The following UROC1 variants were observed in gnomAD, a reference collection of about 807,000 sequenced individuals.
UROC1 encodes the protein urocanate hydratase.
A neutral mutation model predicts 89.5 loss-of-function variants in UROC1; 79 were observed. That is an observed-to-expected ratio of 0.88 (90% CI 0.74 to 1.06). The LOEUF is 1.06. Ranked by LOEUF, UROC1 falls within the 50% of genes least tolerant of loss-of-function variation. UROC1 has a pLI of 0.00. For missense variants in UROC1, 885 were observed against 907.8 expected (o/e 0.97, Z 0.32); for synonymous variants, 361 against 354.8 (o/e 1.02, Z -0.20).
chr3:126,496,326 C>G (rs1038419277), intron 14 of UROC1, among the ~76,000 whole-genome samples: 1 of 152,166 alleles, frequency 6.6e-6, no homozygotes, highest in African/African-American at 2.4e-5. Context: ...GTGCAGCGCA[C>G]TGCCTGATGC....
At chr3:126,489,040 C>T (rs767965166) in intron 17 of UROC1, among the ~76,000 whole-genome samples, 3 of 152,190 alleles carry the variant, frequency 2.0e-5, no homozygotes, top group Non-Finnish European at 4.4e-5. Context: ...TGGCTGCCCA[C>T]AGCCTGTAGG....
At chr3:126,490,371 G>C (rs1340026497) in intron 16 of UROC1, among the ~76,000 whole-genome samples, 1 of 152,160 alleles carries the variant, frequency 6.6e-6, no homozygotes, top group African/African-American at 2.4e-5. Flanking sequence ...CCCTTATGCT[G>C]TGCATGGGCA....
chr3:126,503,682 G>T (rs116038755), intron 9 of UROC1, among the ~76,000 whole-genome samples: 3,460 of 152,336 alleles, frequency 0.023, 43 homozygotes, highest in African/African-American at 0.026. Context: ...CCCCAAGAAG[G>T]CTACCTGAAG....
chr3:126,492,522 G>T lies in UROC1; in HGVS notation c.1510-6C>A. On this transcript the variant is annotated splice_polypyrimidine_tract_variant and splice_region_variant and intron_variant, in intron 15 of 19. Coordinates refer to ENST00000290868, the MANE Select transcript of UROC1 (RefSeq NM_144639.3). Reference sequence around the variant, plus strand: ...CTTGCCTGGGAGCCCACCACCTGAGGAGAGAAGGGCAACTGGCATCTCAGC... The same window carrying T: ...CTTGCCTGGGAGCCCACCACCTGAGTAGAGAAGGGCAACTGGCATCTCAGC... 6.2e-7 allele frequency: 1 copy of T among 1,609,794 alleles called. No homozygotes were observed. The highest frequency in any genetic ancestry group is 8.5e-7 in the Non-Finnish European group (1 of 1,179,080).
rs1298262648 is a variant in UROC1, at chr3:126,500,587, T to A, written c.1145+108A>T. Reference sequence around the variant, plus strand: ...CAGAGGCTCAGAGAGGTTAAGGTCTTGCCCAAGGCCAAGCAGCTGGTTGCT... The same window carrying A: ...CAGAGGCTCAGAGAGGTTAAGGTCTAGCCCAAGGCCAAGCAGCTGGTTGCT... On this transcript the variant is annotated intron_variant, in intron 11 of 19. Transcript: ENST00000290868. The A allele has an allele frequency of 2.8e-6, 4 of 1,411,068 alleles. No individual in the cohort carries two copies. In the African/African-American group the frequency reaches 5.6e-5, roughly 20 times the overall value. The allele number at this position is 1,411,068 out of a possible 1,614,324, so 87.4% of individuals were successfully genotyped here. A position where few individuals can be genotyped will look rare whatever the true frequency, so the allele number is the denominator to read the frequency against.
In UROC1 at chr3:126,482,326, G is replaced by T. The variant is rs755941519; in HGVS notation, c.*19C>A. The T allele has an allele frequency of 2.5e-6, 4 of 1,610,296 alleles. No individual in the cohort carries two copies. The Admixed American group carries it at 6.7e-5, about 27-fold the overall frequency. On this transcript the variant is annotated 3_prime_UTR_variant, in exon 20 of 20. Transcript: ENST00000290868. The stretch of plus-strand genomic sequence containing the variant: ...TCGCCAGGGAGGAAGGGAGGCAGGG[G>T]CCGCGACTCCTGGCTCCCTCAGAGC...
chr3:126,505,701 C>A lies in UROC1; in HGVS notation c.813G>T (p.Glu271Asp). The change falls in exon 8 of 20, where the codon GAG becomes GAT. Residue 271 changes from glutamate to aspartate, a missense_variant and splice_region_variant. By Grantham distance (45) the Glu-to-Asp change is conservative (BLOSUM62 2). Transcript: ENST00000290868. ...VIVGCIGVIAEVDKAALEKRH... is the reference protein window; with the variant it reads ...VIVGCIGVIADVDKAALEKRH... ...GAAGGCCAGGAGCCCCCCAGCTTACCTCTGCTATCACACCGATGCACCCCA... is the reference window on the plus strand; with the variant it reads ...GAAGGCCAGGAGCCCCCCAGCTTACATCTGCTATCACACCGATGCACCCCA... 6.2e-7 allele frequency: 1 copy of A among 1,613,608 alleles called. No homozygotes were observed. Among genetic ancestry groups the A allele is most frequent in the Non-Finnish European group, 8.5e-7 (1 of 1,179,948 alleles).
intron 8 of UROC1, among the ~76,000 whole-genome samples, chr3:126,504,942 C>A (rs1199023932): frequency 6.6e-6 from 1 of 152,162 alleles, no homozygotes; most frequent in Non-Finnish European, 1.5e-5. Flanking sequence ...GGTCATGGGG[C>A]AGCTTCCTCA....
At chr3:126,482,780 C>G (rs986284623) in intron 19 of UROC1, among the ~76,000 whole-genome samples, 1 of 152,122 alleles carries the variant, frequency 6.6e-6, no homozygotes, top group African/African-American at 2.4e-5. Flanking sequence ...TCCACCTCAG[C>G]CTGAGCTCTA....
In UROC1 at chr3:126,505,739, C is replaced by T; in HGVS notation, c.775G>A (p.Ala259Thr). The T allele has an allele frequency of 6.2e-7, 1 of 1,613,894 alleles. No individual in the cohort carries two copies. The highest frequency in any genetic ancestry group is 1.1e-5 in the South Asian group (1 of 91,086). Residue 259 changes from alanine (A) to threonine (T), a missense_variant, in exon 8 of 20, where the codon GCC (alanine) becomes ACC (threonine). Ala to Thr is a moderately conservative substitution (Grantham distance 58). Transcript: ENST00000290868. The stretch of plus-strand genomic sequence containing the variant: ...CCGATGCACCCCACGATGACTGCGG[C>T]CTTGGCCTGAGCCCCACTCATTCCG... ...LGGMSGAQAKAAVIVGCIGVI... is the reference protein window; with the variant it reads ...LGGMSGAQAKTAVIVGCIGVI...
rs776047935 is a variant in UROC1 at position 126,482,300 on chromosome 3, A to G, written c.*45T>C. 18 of 1,607,716 alleles carry G rather than the reference A, an allele frequency of 1.1e-5. No homozygotes were observed. In the African/African-American group the frequency reaches 2.3e-4, roughly 20 times the overall value. On this transcript the variant is annotated 3_prime_UTR_variant, in exon 20 of 20. Coordinates refer to ENST00000290868, the MANE Select transcript of UROC1 (RefSeq NM_144639.3). The stretch of plus-strand genomic sequence containing the variant: ...GTGTGCCATGGCTGGGCAGGTGAGG[A>G]TCGCCAGGGAGGAAGGGAGGCAGGG...
chr3:126,510,276 G>A (rs1039317866), intron 2 of UROC1, among the ~76,000 whole-genome samples: 28 of 152,204 alleles, frequency 1.8e-4, no homozygotes, highest in African/African-American at 6.5e-4. Flanking sequence ...GACCCTTATC[G>A]AGATCGTGAG....
At chr3:126,496,488 G>A (rs973772042) in intron 14 of UROC1, among the ~76,000 whole-genome samples, 3 of 152,198 alleles carry the variant, frequency 2.0e-5, no homozygotes, top group Non-Finnish European at 2.9e-5. Flanking sequence ...CTGAGGAAGT[G>A]GCCATCAAGC....
intron 13 of UROC1, 44 bp from the exon 14 acceptor site, chr3:126,498,216 T>C (rs773529416): frequency 8.7e-6 from 14 of 1,613,102 alleles, no homozygotes; most frequent in African/African-American, 2.7e-5. Flanking sequence ...GCTGGCTTGT[T>C]GGGGGAGGGG....
At chr3:126,488,951 C>T (rs917733304) in intron 17 of UROC1, among the ~76,000 whole-genome samples, 2 of 152,126 alleles carry the variant, frequency 1.3e-5, no homozygotes, top group Non-Finnish European at 2.9e-5. Context: ...TGGTGCTCAG[C>T]TATGAAGATG....
At chr3:126,507,835 C>T in intron 5 of UROC1, 32 bp from the exon 6 acceptor site, 1 of 1,613,934 alleles carries the variant, frequency 6.2e-7, no homozygotes, top group Non-Finnish European at 8.5e-7. Flanking sequence ...GACAGAGGGG[C>T]TGAGGGCTTG....
At chr3:126,496,472 G>A (rs1488216874) in intron 14 of UROC1, among the ~76,000 whole-genome samples, 1 of 152,234 alleles carries the variant, frequency 6.6e-6, no homozygotes, top group Admixed American at 6.5e-5. Flanking sequence ...TGGATGCGGG[G>A]GCTTTCTGAG....
intron 19 of UROC1, 37 bp downstream of exon 19, chr3:126,483,332 C>A (rs2107531055): frequency 1.3e-6 from 2 of 1,562,542 alleles, no homozygotes; most frequent in Non-Finnish European, 1.8e-6. Flanking sequence ...GCTGAAGGCC[C>A]TGCCTTCAGG....
Position 126,508,420 on chromosome 3 carries a change from G to A in UROC1, c.407C>T (p.Ala136Val). 6.2e-7 allele frequency: 1 copy of A among 1,613,912 alleles called. No homozygotes were observed. The highest frequency in any genetic ancestry group is 8.5e-7 in the Non-Finnish European group (1 of 1,179,894). The stretch of plus-strand genomic sequence containing the variant: ...AGGCCACACGGTGTGCAGTACCTGA[G>A]CCCAGTTGCTGAACACCTGCCCATT... ...GGNGQVFSNWAQFWLTMFYLS... is the reference protein window; with the variant it reads ...GGNGQVFSNWVQFWLTMFYLS... The change falls in exon 4 of 20, where the codon GCT becomes GTT. Residue 136 changes from alanine (A) to valine (V), a missense_variant. By Grantham distance (64) the Ala-to-Val change is moderately conservative (BLOSUM62 0). Transcript: ENST00000290868.
Sources: allele counts gnomAD v4.1 joint callset (sites outside exome capture counted in the v4.1 genomes callset), GRCh38; gene constraint gnomAD v4.1.1; transcripts MANE v1.5; gene names NCBI Gene and HGNC (gene_info 2026-07-23, HGNC 2026-07-21).